The following TRAPPC8 variants were observed in gnomAD, a reference collection of about 807,000 sequenced individuals.
TRAPPC8 encodes the protein trafficking protein particle complex subunit 8.
A neutral mutation model predicts 174.3 loss-of-function variants in TRAPPC8; 54 were observed. That is an observed-to-expected ratio of 0.31 (90% CI 0.25 to 0.39). The LOEUF (loss-of-function observed/expected upper bound fraction) is 0.39. TRAPPC8 is among the 10% of genes least tolerant of loss of function. TRAPPC8 has a pLI of 1.00. For missense variants in TRAPPC8, 1,531 were observed against 1,699.1 expected, an observed-to-expected ratio of 0.90 and a Z score of 1.74; for synonymous variants, 630 against 579.9, an observed-to-expected ratio of 1.09 and a Z score of -1.24.
intron 2 of TRAPPC8, among the ~76,000 whole-genome samples, chr18:31,919,949 A>G (rs1487099209): frequency 6.6e-6 from 1 of 152,194 alleles, no homozygotes; most frequent in Non-Finnish European, 1.5e-5. Context: ...CAAAAATTGG[A>G]GAATAAATGA....
intron 9 of TRAPPC8, among the ~76,000 whole-genome samples, chr18:31,903,721 A>G (rs909773962): frequency 3.3e-5 from 5 of 152,114 alleles, no homozygotes; most frequent in Non-Finnish European, 7.4e-5. Flanking sequence ...CCTAGATCAT[A>G]TTTCATTTTA....
At chr18:31,937,364 T>C (rs2038152043) in intron 1 of TRAPPC8, among the ~76,000 whole-genome samples, 2 of 152,102 alleles carry the variant, frequency 1.3e-5, no homozygotes, top group East Asian at 1.9e-4. Flanking sequence ...ACCCCATTTC[T>C]ACAAAAACTA....
chr18:31,876,819 A>G (rs2035178084), intron 12 of TRAPPC8, among the ~76,000 whole-genome samples: 1 of 152,168 alleles, frequency 6.6e-6, no homozygotes, highest in South Asian at 2.1e-4. Context: ...CAACACTAAC[A>G]GTGGCAGTTT....
chr18:31,852,315 A>T (rs7239098), intron 24 of TRAPPC8, 131 bp downstream of exon 24: 7 of 942,616 alleles, frequency 7.4e-6, no homozygotes, highest in East Asian at 2.6e-5. Flanking sequence ...TACTCCTGGG[A>T]GACAGAGCAA....
At chr18:31,908,678 C>A in intron 7 of TRAPPC8, 76 bp downstream of exon 7, 1 of 1,381,986 alleles carries the variant, frequency 7.2e-7, no homozygotes, top group Non-Finnish European at 9.5e-7. Flanking sequence ...AACAAAACTT[C>A]AAATACGTTT....
chr18:31,934,183 C>CA (rs34727105), intron 1 of TRAPPC8, among the ~76,000 whole-genome samples: 1,438 of 131,802 alleles, frequency 0.011, 25 homozygotes, highest in African/African-American at 0.036. Context: ...GACTCCCTTT[C>CA]AAAAAAAAAA....
At chr18:31,880,866 G>C (rs752411911) in intron 12 of TRAPPC8, among the ~76,000 whole-genome samples, 12 of 151,898 alleles carry the variant, frequency 7.9e-5, no homozygotes, top group Non-Finnish European at 1.2e-4. Context: ...ATAAAACTCA[G>C]GATGAGAACC....
chr18:31,915,345 C>G (rs1455482600), intron 4 of TRAPPC8, among the ~76,000 whole-genome samples: 1 of 151,770 alleles, frequency 6.6e-6, no homozygotes, highest in Non-Finnish European at 1.5e-5. Flanking sequence ...CCTGTAATCC[C>G]AGCTACCCGG....
chr18:31,884,771 C>T (rs2035622425), intron 12 of TRAPPC8, among the ~76,000 whole-genome samples: 1 of 151,914 alleles, frequency 6.6e-6, no homozygotes, highest in South Asian at 2.1e-4. Flanking sequence ...CTTTGGGGGG[C>T]CAAGGTGGGA....
At chr18:31,941,180 C>T (rs557267351) in intron 1 of TRAPPC8, among the ~76,000 whole-genome samples, 3 of 152,214 alleles carry the variant, frequency 2.0e-5, no homozygotes, top group East Asian at 1.9e-4. Flanking sequence ...CGGTGGCTCA[C>T]GCCCATAATC....
Position 31,857,590 on chromosome 18 carries a change from T to G in TRAPPC8, c.3138A>C (p.Glu1046Asp). The G allele has an allele frequency of 6.2e-7, 1 of 1,610,562 alleles. No individual in the cohort carries two copies. The highest frequency in any genetic ancestry group is 8.5e-7 in the Non-Finnish European group (1 of 1,178,764). ...LRGPDEEGVHEINFLFYYESV... is the reference protein window; with the variant it reads ...LRGPDEEGVHDINFLFYYESV... ...TTTCATAGTAAAACAAAAAGTTAAT[T>G]TCATGGACACCTTCTTCATCAGGCC... The change falls in exon 20 of 29, where the codon GAA becomes GAC. Residue 1046 changes from glutamate (E) to aspartate (D), a missense_variant. Physicochemically the swap from Glu to Asp is conservative, Grantham distance 45 (BLOSUM62 2). Transcript: ENST00000283351.
rs894530952 is a variant in TRAPPC8, at chr18:31,839,233, G to A, written c.3983+79C>T. On this transcript the variant is annotated intron_variant, in intron 27 of 28. Coordinates refer to ENST00000283351, the MANE Select transcript of TRAPPC8 (RefSeq NM_014939.5). ...TTTCCTCTTCAATATTTGGGTTAAT[G>A]TCACTGCCAAAATAAAAGAAACAAA... The A allele has an allele frequency of 6.3e-6, 9 of 1,423,358 alleles. No individual in the cohort carries two copies. The African/African-American group carries it at 1.0e-4, about 16-fold the overall frequency. 88.2% of individuals were successfully genotyped at this position (1,423,358 alleles called of 1,614,324 possible).
rs111336388 is a variant in TRAPPC8 at position 31,874,286 on chromosome 18, T to G, written c.1953+194A>C. The stretch of plus-strand genomic sequence containing the variant: ...TCAAGTGTTCATTGTAATATTAAAA[T>G]TCTCTTTTCAAGAACTGTGGAAGGG... On this transcript the variant is annotated intron_variant, in intron 13 of 28. Coordinates refer to ENST00000283351, the MANE Select transcript of TRAPPC8 (RefSeq NM_014939.5). 4,698 of 547,122 alleles carry G rather than the reference T, an allele frequency of 8.6e-3. 156 individuals are homozygous for G. The highest frequency in any genetic ancestry group is 0.076 in the African/African-American group (4,006 of 52,586). The allele number at this position is 547,122 out of a possible 1,614,324, so 33.9% of individuals were successfully genotyped here.
chr18:31,915,488 G>A (rs1028341876), intron 4 of TRAPPC8, among the ~76,000 whole-genome samples: 8 of 147,300 alleles, frequency 5.4e-5, no homozygotes, highest in Admixed American at 3.4e-4. Flanking sequence ...GGGCGCAGGC[G>A]CAGTGGCTCC....
chr18:31,928,844 C>CA (rs1185068344), intron 2 of TRAPPC8, among the ~76,000 whole-genome samples: 1 of 152,072 alleles, frequency 6.6e-6, no homozygotes, highest in Non-Finnish European at 1.5e-5. Flanking sequence ...TAAGATCCTG[C>CA]AAAACAGAAT....
In TRAPPC8 at chr18:31,865,031, G is replaced by C. The variant is rs185937917; in HGVS notation, c.2591-250C>G. 6.6e-5 allele frequency among the ~76,000 whole-genome samples: 10 copies of C among 152,112 alleles called. No individual in the cohort carries two copies. In the South Asian group the frequency reaches 1.7e-3, roughly 25 times the overall value. On this transcript the variant is annotated intron_variant, in intron 18 of 28. Transcript: ENST00000283351. ...AAAAAAGACTACACATTACTCAATAGGAAGCCCTCTGAAATCTGTATTTAA... is the reference window on the plus strand; with the variant it reads ...AAAAAAGACTACACATTACTCAATACGAAGCCCTCTGAAATCTGTATTTAA...
intron 1 of TRAPPC8, among the ~76,000 whole-genome samples, chr18:31,935,216 T>A (rs2038030917): frequency 6.6e-6 from 1 of 151,624 alleles, no homozygotes; most frequent in African/African-American, 2.4e-5. Context: ...TGGTGGCGCA[T>A]GCCTGTAATC....
In TRAPPC8 at chr18:31,861,204, ATTTT is replaced by A. The variant is rs569239960; in HGVS notation, c.2746-3226_2746-3223del. 1.6e-4 allele frequency among the ~76,000 whole-genome samples: 25 copies of A among 152,238 alleles called. No homozygotes were observed. The South Asian group carries it at 4.8e-3, about 29-fold the overall frequency. On this transcript the variant is annotated intron_variant, in intron 19 of 28. Transcript: ENST00000283351. ...AAATGTTTAGGGTATGGATCTACTG[ATTTT>A]TTTGTTTTTCACTTTACAAGCTTTG... is the stretch of plus-strand genomic sequence containing the variant.
At chr18:31,873,643 G>A in intron 13 of TRAPPC8, 105 bp from the exon 14 acceptor site, 1 of 715,698 alleles carries the variant, frequency 1.4e-6, no homozygotes, top group Non-Finnish European at 2.3e-6. Context: ...TGTTAAGCAA[G>A]AATATTAAGA....
Sources: gnomAD v4.1 joint callset for allele counts (sites outside exome capture counted in the v4.1 genomes callset) on GRCh38, gnomAD v4.1.1 for gene constraint, MANE v1.5 for transcripts, NCBI Gene and HGNC (gene_info 2026-07-23, HGNC 2026-07-21) for gene names.